The following PRKCE variants were observed in gnomAD, a reference collection of about 807,000 sequenced individuals.
PRKCE encodes protein kinase C epsilon, also known as protein kinase C epsilon type.
PRKCE carries 16 observed loss-of-function variants against 85.4 expected under a neutral mutation model. The observed-to-expected ratio is 0.19, with a 90% CI of 0.13 to 0.28. PRKCE has a LOEUF of 0.28. Ranked by LOEUF, PRKCE falls within the 10% of genes least tolerant of loss-of-function variation. The pLI is 1.00. For missense variants in PRKCE, 573 were observed against 975.2 expected, an observed-to-expected ratio of 0.59 and a Z score of 5.49; for synonymous variants, 388 against 371.5, an observed-to-expected ratio of 1.04 and a Z score of -0.51.
At chr2:46,158,466 G>T (rs1374617774) in intron 13 of PRKCE, among the ~76,000 whole-genome samples, 1 of 152,120 alleles carries the variant, frequency 6.6e-6, no homozygotes, top group East Asian at 1.9e-4. Flanking sequence ...AGGTGCACTG[G>T]TACCATTCCT....
At chr2:45,700,185 T>C (rs1171464755) in intron 1 of PRKCE, among the ~76,000 whole-genome samples, 2 of 146,688 alleles carry the variant, frequency 1.4e-5, no homozygotes, top group South Asian at 2.2e-4. Context: ...GGAGCCAGGG[T>C]CTCGGTGGAG....
intron 1 of PRKCE, among the ~76,000 whole-genome samples, chr2:45,730,053 A>G (rs1280233471): frequency 6.6e-6 from 1 of 152,246 alleles, no homozygotes; most frequent in Non-Finnish European, 1.5e-5. Flanking sequence ...ATTTGAAAAG[A>G]GGAAGAAAAA....
At chr2:46,046,137 G>T in intron 10 of PRKCE, among the ~76,000 whole-genome samples, 1 of 152,196 alleles carries the variant, frequency 6.6e-6, no homozygotes, top group East Asian at 1.9e-4. Flanking sequence ...TACCCAGTGG[G>T]ATGGCTGGGA....
intron 11 of PRKCE, among the ~76,000 whole-genome samples, chr2:46,142,242 C>T (rs1308577518): frequency 2.0e-5 from 3 of 152,180 alleles, no homozygotes; most frequent in African/African-American, 4.8e-5. Flanking sequence ...AAACCCTACT[C>T]GTGAACTGCT....
rs954441080 is a variant in PRKCE, at chr2:46,068,907, C to A, written c.1438-17301C>A. On this transcript the variant is annotated intron_variant, in intron 10 of 14. Coordinates refer to ENST00000306156, the MANE Select transcript of PRKCE (RefSeq NM_005400.3). The surrounding 1 kb of genome is among the most constrained non-coding windows in gnomAD (Gnocchi z 4.3). ...GGTCCTTGTGACTCCAAGGGTGATC[C>A]CTAGACTAGCAGCATTGCATTACCT... Among the ~76,000 whole-genome samples the A allele has an allele frequency of 6.6e-6, 1 of 152,194 alleles. No homozygotes were observed. The highest frequency in any genetic ancestry group is 6.5e-5 in the Admixed American group (1 of 15,282).
At chr2:46,064,450 C>T (rs114504714) in intron 10 of PRKCE, among the ~76,000 whole-genome samples, 2,692 of 152,196 alleles carry the variant, frequency 0.018, 77 homozygotes, top group African/African-American at 0.062. Flanking sequence ...GATTTCCTTG[C>T]ACTAATGGTT....
At chr2:45,722,798 A>G (rs189376827) in intron 1 of PRKCE, among the ~76,000 whole-genome samples, 1 of 152,218 alleles carries the variant, frequency 6.6e-6, no homozygotes, top group Admixed American at 6.5e-5. Flanking sequence ...CATTGTAGTC[A>G]GTTAAAAGAT....
At chr2:45,876,644 T>C (rs1192697424) in intron 2 of PRKCE, among the ~76,000 whole-genome samples, 1 of 152,240 alleles carries the variant, frequency 6.6e-6, no homozygotes, top group African/African-American at 2.4e-5. Context: ...ACTGATCTCC[T>C]GTCAGTTCAG....
At chr2:45,803,302 A>G in intron 1 of PRKCE, among the ~76,000 whole-genome samples, 1 of 152,214 alleles carries the variant, frequency 6.6e-6, no homozygotes, top group Admixed American at 6.5e-5. Context: ...GAAATAATAC[A>G]CTGAAATTAA....
chr2:45,968,922 C>T (rs747013585), intron 2 of PRKCE, among the ~76,000 whole-genome samples: 6 of 151,812 alleles, frequency 4.0e-5, no homozygotes, highest in Admixed American at 2.6e-4. Flanking sequence ...GTCTCACCCC[C>T]AAAGAAAACG....
At chr2:45,753,088 G>A (rs539705612) in intron 1 of PRKCE, among the ~76,000 whole-genome samples, 1 of 152,262 alleles carries the variant, frequency 6.6e-6, no homozygotes, top group South Asian at 2.1e-4. Flanking sequence ...GTTTATCTGA[G>A]TAGGGTGTAT....
intron 1 of PRKCE, among the ~76,000 whole-genome samples, chr2:45,711,030 C>T (rs571556816): frequency 6.6e-6 from 1 of 152,190 alleles, no homozygotes; most frequent in African/African-American, 2.4e-5. Context: ...GTTGCTGCCC[C>T]CTCCCTGTCC....
chr2:45,832,073 T>C (rs1362623007), intron 1 of PRKCE, among the ~76,000 whole-genome samples: 2 of 152,224 alleles, frequency 1.3e-5, no homozygotes, highest in African/African-American at 4.8e-5. Flanking sequence ...TCACAGGACA[T>C]GGTTCCAACT....
At chr2:45,654,789 G>GTGGCTGAAGGTGGGGACTCAT (rs1675302798) in intron 1 of PRKCE, among the ~76,000 whole-genome samples, 3 of 152,184 alleles carry the variant, frequency 2.0e-5, no homozygotes, top group Admixed American at 2.0e-4. Context: ...AGCCACTCTG[G>GTGGCTGAAGGTGGGGACTCAT]TTCCTCCAGG....
intron 1 of PRKCE, among the ~76,000 whole-genome samples, chr2:45,743,785 A>G (rs2104666905): frequency 6.6e-6 from 1 of 152,108 alleles, no homozygotes; most frequent in Admixed American, 6.5e-5. Context: ...ACATTAGCAG[A>G]CTCCACAGAG....
intron 10 of PRKCE, among the ~76,000 whole-genome samples, chr2:46,058,287 G>A (rs952678905): frequency 6.6e-6 from 1 of 152,196 alleles, no homozygotes; most frequent in Non-Finnish European, 1.5e-5. Flanking sequence ...TGGCAGGTCA[G>A]GACAAGAGGA....
intron 2 of PRKCE, among the ~76,000 whole-genome samples, chr2:45,844,711 C>T (rs1386651516): frequency 6.6e-6 from 1 of 152,216 alleles, no homozygotes; most frequent in Non-Finnish European, 1.5e-5. Context: ...ATATGTATTT[C>T]CTGTGCCAAG....
chr2:46,116,490 C>T (rs1672778813), intron 11 of PRKCE, among the ~76,000 whole-genome samples: 1 of 152,186 alleles, frequency 6.6e-6, no homozygotes, highest in Non-Finnish European at 1.5e-5. Flanking sequence ...CTGCTGAGGT[C>T]ACTGTTGACA....
chr2:46,045,251 A>C (rs1708449268), intron 10 of PRKCE, among the ~76,000 whole-genome samples: 1 of 152,180 alleles, frequency 6.6e-6, no homozygotes. Context: ...ACATACATAC[A>C]CCCTCATGTG....
Sources: gnomAD v4.1 joint callset for allele counts (sites outside exome capture counted in the v4.1 genomes callset) on GRCh38, gnomAD v4.1.1 for gene constraint, Gnocchi (gnomAD v3.1) non-coding constraint, MANE v1.5 for transcripts, NCBI Gene and HGNC (gene_info 2026-07-23, HGNC 2026-07-21) for gene names.